Variants in RASGEF1C observed in about 807,000 individuals in gnomAD.
The protein encoded by RASGEF1C is ras-GEF domain-containing family member 1C.
In RASGEF1C, 27 loss-of-function variants were observed where a neutral mutation model predicts 58.1. The observed-to-expected ratio is 0.46, with a 90% CI of 0.34 to 0.64. The LOEUF (loss-of-function observed/expected upper bound fraction) is 0.64, where lower values mean the gene tolerates loss of function less well. Among genes scored for constraint, RASGEF1C ranks in the 30% least tolerant of loss-of-function variants. The pLI is 0.01. For synonymous variants in RASGEF1C, 243 were observed against 246.3 expected (o/e 0.99, Z 0.13); for missense variants, 502 against 605.1 (o/e 0.83, Z 1.79).
At chr5:180,125,911 C>G (rs752163265) in intron 6 of RASGEF1C, among the ~76,000 whole-genome samples, 72 of 152,098 alleles carry the variant, frequency 4.7e-4, no homozygotes, top group African/African-American at 1.6e-3. Flanking sequence ...CTTTTGAGAA[C>G]GGACACCCTA....
At chr5:180,200,593 G>A (rs867592997) in intron 1 of RASGEF1C, among the ~76,000 whole-genome samples, 2 of 151,994 alleles carry the variant, frequency 1.3e-5, no homozygotes, top group African/African-American at 2.4e-5. Flanking sequence ...GATTACAGGC[G>A]TGAGCCACCG....
At chr5:180,118,549 C>A (rs1766109246) in intron 10 of RASGEF1C, 60 bp downstream of exon 10, 22 of 1,453,272 alleles carry the variant, frequency 1.5e-5, no homozygotes, top group Non-Finnish European at 2.1e-5. Context: ...CAAGTGAACT[C>A]TGAGCCAGCA....
At chr5:180,174,399 T>C (rs1456846403) in intron 1 of RASGEF1C, among the ~76,000 whole-genome samples, 4 of 151,474 alleles carry the variant, frequency 2.6e-5, no homozygotes, top group Admixed American at 6.6e-5. Flanking sequence ...TGCATGTGTG[T>C]GCGTCTGTGT....
chr5:180,169,810 G>T (rs1356124777), intron 1 of RASGEF1C, among the ~76,000 whole-genome samples: 1 of 41,290 alleles, frequency 2.4e-5, no homozygotes, highest in Non-Finnish European at 9.0e-5. Flanking sequence ...GGGGCTCCAA[G>T]CCCGCCTCTC....
chr5:180,175,022 C>T (rs547473924), intron 1 of RASGEF1C, among the ~76,000 whole-genome samples: 14 of 152,290 alleles, frequency 9.2e-5, no homozygotes, highest in African/African-American at 3.4e-4. Flanking sequence ...GGTCTCCACA[C>T]AGAGGGACCC....
At chr5:180,171,557 C>T (rs1312642828) in intron 1 of RASGEF1C, among the ~76,000 whole-genome samples, 1 of 152,150 alleles carries the variant, frequency 6.6e-6, no homozygotes, top group Admixed American at 6.5e-5. Flanking sequence ...AGCACTCACA[C>T]TCAGCCCCTG....
chr5:180,198,110 G>A lies in RASGEF1C; in HGVS notation c.-7+10918C>T, dbSNP rs982711122. On this transcript the variant is annotated intron_variant, in intron 1 of 13. Coordinates refer to ENST00000361132, the MANE Select transcript of RASGEF1C (RefSeq NM_175062.4). The surrounding 1 kb of genome is among the most constrained non-coding windows in gnomAD (Gnocchi z 4.5). ...CGCTTCCTGGACAGGCTTATGGGGC[G>A]TGGCAGTTTGGGGCACCATTGGTGG... Among the ~76,000 whole-genome samples, 28 of 152,328 alleles carry A rather than the reference G, an allele frequency of 1.8e-4. No individual in the cohort carries two copies. The highest frequency in any genetic ancestry group is 5.8e-4 in the African/African-American group (24 of 41,568).
chr5:180,147,693 T>C (rs76709581), intron 1 of RASGEF1C, among the ~76,000 whole-genome samples: 30,716 of 152,180 alleles, frequency 0.2, 3,301 homozygotes, highest in South Asian at 0.29. Flanking sequence ...TTAAAATTTA[T>C]TGAGGCTTAA....
chr5:180,152,059 T>C (rs1766753423), intron 1 of RASGEF1C, among the ~76,000 whole-genome samples: 1 of 149,696 alleles, frequency 6.7e-6, no homozygotes, highest in South Asian at 2.1e-4. Flanking sequence ...CATTAAAAAG[T>C]CAGGAAACAA....
chr5:180,165,624 T>C (rs1421161288), intron 1 of RASGEF1C, among the ~76,000 whole-genome samples: 3 of 151,148 alleles, frequency 2.0e-5, no homozygotes, highest in Non-Finnish European at 4.4e-5. Context: ...TGAGCCAAGA[T>C]TGTGCCACAG....
chr5:180,101,411 T>C lies in RASGEF1C; in HGVS notation c.*90A>G. 7.0e-7 allele frequency: 1 copy of C among 1,435,614 alleles called. No homozygotes were observed. Among genetic ancestry groups the C allele is most frequent in the African/African-American group, 1.4e-5 (1 of 70,468 alleles). 88.9% of individuals were successfully genotyped at this position (1,435,614 alleles called of 1,614,324 possible). A position where few individuals can be genotyped will look rare whatever the true frequency, so the allele number is the denominator to read the frequency against. The stretch of plus-strand genomic sequence containing the variant: ...CGGCATTTGCAAAATAGTGAGGCAC[T>C]CCCTGGCCTCTGCCCACTGGGCCAC... On this transcript the variant is annotated 3_prime_UTR_variant, in exon 14 of 14. Transcript: ENST00000361132.
At chr5:180,141,535 G>A (rs1229827995) in intron 1 of RASGEF1C, among the ~76,000 whole-genome samples, 1 of 152,182 alleles carries the variant, frequency 6.6e-6, no homozygotes, top group Non-Finnish European at 1.5e-5. Context: ...CAGACGGTGG[G>A]ACGGCGAGTG....
intron 10 of RASGEF1C, among the ~76,000 whole-genome samples, chr5:180,116,709 G>C (rs532672654): frequency 6.6e-6 from 1 of 152,216 alleles, no homozygotes; most frequent in Non-Finnish European, 1.5e-5. Context: ...GAAGTAGTGC[G>C]GAGCGCCCAG....
chr5:180,187,051 CA>C (rs2113329729), intron 1 of RASGEF1C, among the ~76,000 whole-genome samples: 1 of 152,238 alleles, frequency 6.6e-6, no homozygotes, highest in Admixed American at 6.5e-5. Flanking sequence ...TGAAAAAGAA[CA>C]AAGTTGAAGG....
chr5:180,173,714 A>G (rs1003555036), intron 1 of RASGEF1C, among the ~76,000 whole-genome samples: 1 of 152,060 alleles, frequency 6.6e-6, no homozygotes, highest in Non-Finnish European at 1.5e-5. Context: ...GGAGTTTGAG[A>G]CCAGCCTGGC....
intron 1 of RASGEF1C, among the ~76,000 whole-genome samples, chr5:180,171,677 T>C (rs1767111108): frequency 1.3e-5 from 2 of 152,224 alleles, no homozygotes; most frequent in Admixed American, 6.5e-5. Context: ...TAGCCAGTTC[T>C]GTCTCCAAGT....
intron 4 of RASGEF1C, among the ~76,000 whole-genome samples, chr5:180,133,511 A>G (rs1766404745): frequency 6.6e-6 from 1 of 152,206 alleles, no homozygotes; most frequent in Non-Finnish European, 1.5e-5. Flanking sequence ...TAACTTGCCC[A>G]AAGACACACA....
At chr5:180,206,284 A>C (rs1191914440) in intron 1 of RASGEF1C, among the ~76,000 whole-genome samples, 1 of 152,260 alleles carries the variant, frequency 6.6e-6, no homozygotes, top group East Asian at 1.9e-4. Context: ...GTACACAACT[A>C]AACAAATATT....
At chr5:180,153,265 T>C (rs1004377756) in intron 1 of RASGEF1C, among the ~76,000 whole-genome samples, 10 of 152,214 alleles carry the variant, frequency 6.6e-5, no homozygotes, top group African/African-American at 1.9e-4. Flanking sequence ...ATCCCTGATA[T>C]TGATATTTGG....
Sources: gnomAD v4.1 joint callset for allele counts (sites outside exome capture counted in the v4.1 genomes callset) on GRCh38, gnomAD v4.1.1 for gene constraint, Gnocchi (gnomAD v3.1) non-coding constraint, MANE v1.5 for transcripts, NCBI Gene and HGNC (gene_info 2026-07-23, HGNC 2026-07-21) for gene names.